Variants in TMPRSS3 observed in about 807,000 individuals in gnomAD.
TMPRSS3 encodes transmembrane protease serine 3.
Under a neutral mutation model 59.6 loss-of-function variants are expected in TMPRSS3, and 55 were observed. The ratio of observed to expected loss-of-function variants is 0.92; its 90% CI spans 0.74 to 1.16. The LOEUF (loss-of-function observed/expected upper bound fraction) is 1.16. Among genes scored for constraint, TMPRSS3 ranks in the 50% most tolerant of loss-of-function variants. The probability of loss-of-function intolerance (pLI) is 0.00; values close to 1 mark genes in which losing one functional copy is unlikely to be tolerated. For missense variants in TMPRSS3, 596 were observed against 579.4 expected (o/e 1.03, Z -0.29); for synonymous variants, 257 against 237.7 (o/e 1.08, Z -0.75).
At chr21:42,373,731 G>T (rs963108715) in intron 12 of TMPRSS3, among the ~76,000 whole-genome samples, 1 of 152,152 alleles carries the variant, frequency 6.6e-6, no homozygotes, top group Non-Finnish European at 1.5e-5. Flanking sequence ...TAGCTGGGGG[G>T]GCCTCATGCA....
At chr21:42,395,669 C>CAAAAAAA (rs138713556) in intron 1 of TMPRSS3, 9 of 243,596 alleles carry the variant, frequency 3.7e-5, no homozygotes, top group African/African-American at 1.4e-4. Flanking sequence ...CTAGAATTAG[C>CAAAAAAA]AAAAAAAAAA....
At position 42,388,527 on chromosome 21, in the gene TMPRSS3, C is replaced by G; in HGVS notation, c.323-1G>C. 1 of 1,614,210 alleles carries G rather than the reference C, an allele frequency of 6.2e-7. No individual in the cohort carries two copies. Among genetic ancestry groups the G allele is most frequent in the Non-Finnish European group, 8.5e-7 (1 of 1,180,048 alleles). ...ACGGCATTCTGACCACCCACCCGGA[C>G]TGGCCGATGTGCAGAAAGAAAGGCT... On this transcript the variant is annotated splice_acceptor_variant, in intron 4 of 12. Transcript: ENST00000644384. LOFTEE classifies it high-confidence loss of function. This position sits in a 1 kb window ranked among gnomAD's most constrained non-coding sequence, Gnocchi z 5.1.
chr21:42,395,570 A>G (rs947244706), intron 1 of TMPRSS3, 102 bp from the exon 2 acceptor site: 5 of 737,896 alleles, frequency 6.8e-6, no homozygotes, highest in African/African-American at 3.5e-5. Flanking sequence ...GACAGTCCAC[A>G]CAAAGCGCAT....
At chr21:42,390,380 T>TA in intron 2 of TMPRSS3, 1 of 323,416 alleles carries the variant, frequency 3.1e-6, no homozygotes, top group Non-Finnish European at 6.0e-6. Context: ...GTCATCTAGT[T>TA]AAAATGAGTC....
chr21:42,380,190 C>A lies in TMPRSS3; in HGVS notation c.975G>T (p.Leu325=), dbSNP rs397517379. ...CGGGGAAGTTCTCTTCAGAGTTGGG[C>A]AGGCACACAGGCTGGATCATTTCTG... ...TFNEMIQPVC[L]PNSEENFPDG... is the part of the protein sequence containing the mutation. The change falls in exon 10 of 13, where the codon CTG becomes CTT. Residue 325 remains leucine (L), a synonymous_variant. Coordinates refer to ENST00000644384, the MANE Select transcript of TMPRSS3 (RefSeq NM_001256317.3). The A allele has an allele frequency of 1.4e-4, 230 of 1,614,114 alleles. No individual in the cohort carries two copies. Among genetic ancestry groups the A allele is most frequent in the Non-Finnish European group, 1.9e-4 (219 of 1,179,988 alleles).
chr21:42,387,233 G>C (rs1218126922), intron 5 of TMPRSS3, among the ~76,000 whole-genome samples: 1 of 152,116 alleles, frequency 6.6e-6, no homozygotes, highest in African/African-American at 2.4e-5. Context: ...CTCAGACAGA[G>C]CGGTGGTCCT....
chr21:42,377,871 G>A (rs1403830634), intron 10 of TMPRSS3, among the ~76,000 whole-genome samples: 3 of 152,244 alleles, frequency 2.0e-5, no homozygotes, highest in African/African-American at 4.8e-5. Context: ...ACAGGGGCTC[G>A]TCGGACCTTT....
chr21:42,390,679 G>C (rs2052721815), intron 2 of TMPRSS3, among the ~76,000 whole-genome samples: 1 of 152,186 alleles, frequency 6.6e-6, no homozygotes, highest in Admixed American at 6.5e-5. Context: ...AGTGAGCTGA[G>C]ATCGCACTGC....
intron 3 of TMPRSS3, 71 bp from the exon 4 acceptor site, chr21:42,389,116 T>C (rs1601531996): frequency 1.2e-6 from 2 of 1,602,550 alleles, no homozygotes; most frequent in South Asian, 1.1e-5. Context: ...ACTGTCCCCC[T>C]GCCACACAGT....
chr21:42,389,552 A>C (rs2052698248), intron 3 of TMPRSS3, among the ~76,000 whole-genome samples: 1 of 152,264 alleles, frequency 6.6e-6, no homozygotes, highest in Non-Finnish European at 1.5e-5. Context: ...CAAAAGCCAC[A>C]TGCACCTTAT....
intron 12 of TMPRSS3, 42 bp from the exon 13 acceptor site, chr21:42,372,821 A>G: frequency 1.2e-6 from 2 of 1,613,072 alleles, no homozygotes; most frequent in Non-Finnish European, 1.7e-6. Context: ...TAGCACTTCC[A>G]GCCATCCGTC....
intron 7 of TMPRSS3, chr21:42,383,467 C>A: frequency 1.7e-6 from 1 of 573,188 alleles, no homozygotes; most frequent in Non-Finnish European, 3.1e-6. Flanking sequence ...GGCAGCACCA[C>A]TCCCCATCCT....
rs977544869 is a variant in TMPRSS3, at chr21:42,380,107, GC to G, written c.1048+9del. 2 of 1,611,338 alleles carry G rather than the reference GC, an allele frequency of 1.2e-6. No homozygotes were observed. The highest frequency in any genetic ancestry group is 1.7e-6 in the Non-Finnish European group (2 of 1,177,698). On this transcript the variant is annotated intron_variant, in intron 10 of 12. Coordinates refer to ENST00000644384, the MANE Select transcript of TMPRSS3 (RefSeq NM_001256317.3). Reference sequence around the variant, plus strand: ...CCCTGGACTCCGAATCTTGGCTTCAGCCCACTGACCTCCATCCTCTGTGGCC... The same window carrying G: ...CCCTGGACTCCGAATCTTGGCTTCAGCCACTGACCTCCATCCTCTGTGGCC...
At chr21:42,377,125 A>T (rs2052444791) in intron 10 of TMPRSS3, among the ~76,000 whole-genome samples, 1 of 152,206 alleles carries the variant, frequency 6.6e-6, no homozygotes, top group Non-Finnish European at 1.5e-5. Context: ...GACCCCAAAG[A>T]CATTCTCACC....
intron 2 of TMPRSS3, among the ~76,000 whole-genome samples, chr21:42,394,415 C>T (rs542793227): frequency 1.2e-4 from 18 of 152,156 alleles, no homozygotes; most frequent in South Asian, 2.1e-4. Context: ...ACCACACATA[C>T]GGGCAAAAGC....
chr21:42,384,793 A>G (rs78402009), intron 6 of TMPRSS3, among the ~76,000 whole-genome samples: 4,097 of 152,206 alleles, frequency 0.027, 180 homozygotes, highest in African/African-American at 0.093. Context: ...GGGAGAGAAT[A>G]TGGAATTGGA....
intron 2 of TMPRSS3, among the ~76,000 whole-genome samples, chr21:42,393,472 A>C (rs2052760596): frequency 6.6e-6 from 1 of 152,202 alleles, no homozygotes; most frequent in Non-Finnish European, 1.5e-5. Context: ...CACTTCTAGG[A>C]ATTTATCCTA....
intron 1 of TMPRSS3, 59 bp from the exon 2 acceptor site, chr21:42,395,527 G>A: frequency 1.1e-6 from 1 of 945,276 alleles, no homozygotes; most frequent in Non-Finnish European, 1.7e-6. Context: ...AGCATCAGGT[G>A]CATCTTGGTC....
intron 6 of TMPRSS3, among the ~76,000 whole-genome samples, chr21:42,384,265 G>A (rs567440215): frequency 6.6e-6 from 1 of 152,084 alleles, no homozygotes; most frequent in African/African-American, 2.4e-5. Context: ...CTAAGCTTTA[G>A]ATAGCTAGTG....
Sources: gnomAD v4.1 joint callset for allele counts (sites outside exome capture counted in the v4.1 genomes callset) on GRCh38, gnomAD v4.1.1 for gene constraint, Gnocchi (gnomAD v3.1) non-coding constraint, MANE v1.5 for transcripts, NCBI Gene and HGNC (gene_info 2026-07-23, HGNC 2026-07-21) for gene names.